Variants in SLCO1B1 observed in about 807,000 individuals in gnomAD.
SLCO1B1 encodes the protein OATP-2.
In SLCO1B1, 81 loss-of-function variants were observed where a neutral mutation model predicts 70.1. The ratio of observed to expected loss-of-function variants is 1.16; its 90% CI spans 0.97 to 1.39. The LOEUF is 1.39. Ranked by LOEUF, SLCO1B1 falls within the 40% of genes most tolerant of loss-of-function variation. The probability of loss-of-function intolerance (pLI) is 0.00; values close to 1 mark genes in which losing one functional copy is unlikely to be tolerated. For missense variants in SLCO1B1, 895 were observed against 799.6 expected (o/e 1.12, Z -1.44); for synonymous variants, 283 against 271.5 (o/e 1.04, Z -0.42).
intron 7 of SLCO1B1, among the ~76,000 whole-genome samples, chr12:21,185,058 C>A (rs1044358154): frequency 6.6e-6 from 1 of 151,992 alleles, no homozygotes; most frequent in Non-Finnish European, 1.5e-5. Context: ...AACGAGAAGA[C>A]TTAACTATTC....
intron 7 of SLCO1B1, among the ~76,000 whole-genome samples, chr12:21,193,372 G>T (rs1941053014): frequency 1.3e-5 from 2 of 152,044 alleles, no homozygotes. Flanking sequence ...CTTGGATTTT[G>T]GTATCCATAG....
chr12:21,213,315 C>T (rs1225835112), intron 11 of SLCO1B1, among the ~76,000 whole-genome samples: 10 of 151,798 alleles, frequency 6.6e-5, no homozygotes, highest in Non-Finnish European at 1.3e-4. Context: ...ATTTCTCCTT[C>T]GCTTATGAAG....
rs148445705 is a variant in SLCO1B1 at position 21,215,779 on chromosome 12, A to G, written c.1498-1340A>G. On this transcript the variant is annotated intron_variant, in intron 11 of 14. Transcript: ENST00000256958. ...TCAATTTTTCAGAATAATTTAGTAC[A>G]GTGGGTACTCACTCTTTTTTGTATT... is the stretch of plus-strand genomic sequence containing the variant. 6.4e-4 allele frequency among the ~76,000 whole-genome samples: 98 copies of G among 152,312 alleles called. 2 individuals carry two copies. In the East Asian group the frequency reaches 0.017, roughly 27 times the overall value.
intron 7 of SLCO1B1, among the ~76,000 whole-genome samples, chr12:21,191,824 T>TA (rs1453551699): frequency 6.6e-6 from 1 of 152,160 alleles, no homozygotes; most frequent in African/African-American, 2.4e-5. Flanking sequence ...TGAAAGTTTT[T>TA]ATCACAAAAC....
intron 2 of SLCO1B1, among the ~76,000 whole-genome samples, chr12:21,158,936 G>C (rs542955446): frequency 6.6e-6 from 1 of 152,024 alleles, no homozygotes; most frequent in African/African-American, 2.4e-5. Flanking sequence ...AAAGTAAAAA[G>C]AAATTAATAG....
intron 14 of SLCO1B1, among the ~76,000 whole-genome samples, chr12:21,237,603 A>G (rs887125148): frequency 1.8e-4 from 27 of 152,218 alleles, no homozygotes; most frequent in African/African-American, 6.5e-4. Flanking sequence ...ATTTAAAAAT[A>G]ACTTAGGAAG....
intron 9 of SLCO1B1, 112 bp downstream of exon 9, chr12:21,200,784 G>A (rs4149065): frequency 1.2e-6 from 1 of 853,980 alleles, no homozygotes; most frequent in African/African-American, 1.7e-5. Context: ...TACAGGATAA[G>A]TATAATTTTC....
intron 2 of SLCO1B1, among the ~76,000 whole-genome samples, 178 bp downstream of exon 2, chr12:21,141,836 A>T (rs1445224680): frequency 6.6e-6 from 1 of 151,940 alleles, no homozygotes; most frequent in African/African-American, 2.4e-5. Flanking sequence ...TAATCTGATT[A>T]AGTATTTCTT....
chr12:21,152,516 G>A (rs1331677796), intron 2 of SLCO1B1, among the ~76,000 whole-genome samples: 1 of 125,802 alleles, frequency 7.9e-6, no homozygotes, highest in South Asian at 2.5e-4. Context: ...TGTTGCTAAG[G>A]TGTGGGAGAG....
At chr12:21,222,052 G>T (rs1238827087) in intron 12 of SLCO1B1, among the ~76,000 whole-genome samples, 3 of 151,810 alleles carry the variant, frequency 2.0e-5, no homozygotes, top group African/African-American at 7.3e-5. Context: ...ATTTTCATAA[G>T]TACCATATGA....
chr12:21,197,601 C>T (rs1941108896), intron 8 of SLCO1B1, among the ~76,000 whole-genome samples: 1 of 151,972 alleles, frequency 6.6e-6, no homozygotes, highest in Non-Finnish European at 1.5e-5. Context: ...TTTCAAGAAC[C>T]TAGTGGGTGA....
intron 10 of SLCO1B1, among the ~76,000 whole-genome samples, chr12:21,204,378 T>C (rs1433971501): frequency 6.6e-6 from 1 of 152,016 alleles, no homozygotes; most frequent in Non-Finnish European, 1.5e-5. Flanking sequence ...TATGTACTTT[T>C]GTGTATTAAA....
intron 2 of SLCO1B1, among the ~76,000 whole-genome samples, chr12:21,158,292 C>T (rs1940567829): frequency 6.6e-6 from 1 of 152,108 alleles, no homozygotes; most frequent in African/African-American, 2.4e-5. Flanking sequence ...AGTTGTATAT[C>T]CATGTTATTA....
In SLCO1B1 at chr12:21,173,711, T is replaced by G. The variant is rs139065839; in HGVS notation, c.227-866T>G. On this transcript the variant is annotated intron_variant, in intron 3 of 14. Coordinates refer to ENST00000256958, the MANE Select transcript of SLCO1B1 (RefSeq NM_006446.5). ...TTTTTTCAGAAGTGCTCAGTTATCC[T>G]TAACTGCTATTTGTTTATTGTTATG... Among the ~76,000 whole-genome samples, 329 of 151,956 alleles carry G rather than the reference T, an allele frequency of 2.2e-3. 2 individuals carry two copies. The highest frequency in any genetic ancestry group is 7.6e-3 in the African/African-American group (316 of 41,484).
intron 11 of SLCO1B1, among the ~76,000 whole-genome samples, chr12:21,213,131 C>A: frequency 6.6e-6 from 1 of 151,528 alleles, no homozygotes; most frequent in Non-Finnish European, 1.5e-5. Context: ...TTATTTTGCT[C>A]TTTAGTTGAC....
intron 2 of SLCO1B1, among the ~76,000 whole-genome samples, chr12:21,146,108 A>C (rs1415687070): frequency 1.3e-5 from 2 of 152,154 alleles, no homozygotes; most frequent in Admixed American, 1.3e-4. Context: ...AGTTATTAAA[A>C]TCAGTTCAAT....
intron 2 of SLCO1B1, among the ~76,000 whole-genome samples, chr12:21,160,592 A>G (rs1189439202): frequency 6.6e-6 from 1 of 152,176 alleles, no homozygotes; most frequent in Non-Finnish European, 1.5e-5. Flanking sequence ...ATCATCCTGG[A>G]CATAGGAATG....
rs139907543 is a variant in SLCO1B1 at position 21,197,116 on chromosome 12, G to A, written c.898G>A (p.Glu300Lys). 1 of 1,613,454 alleles carries A rather than the reference G, an allele frequency of 6.2e-7. No homozygotes were observed. Among genetic ancestry groups the A allele is most frequent in the Non-Finnish European group, 8.5e-7 (1 of 1,179,650 alleles). Residue 300 changes from glutamate to lysine, a missense_variant, in exon 8 of 15, where the codon GAA becomes AAA. By Grantham distance (56) the Glu-to-Lys change is moderately conservative. Coordinates refer to ENST00000256958, the MANE Select transcript of SLCO1B1 (RefSeq NM_006446.5). ...AGCTTCACTGTCTTTGCATGTGCTG[G>A]AAACAAATGATGAAAAGGATCAAAC... Reference protein sequence around the residue: ...RKASLSLHVLETNDEKDQTAN... With the variant: ...RKASLSLHVLKTNDEKDQTAN...
At chr12:21,139,272 A>T (rs3829307) in intron 1 of SLCO1B1, among the ~76,000 whole-genome samples, 35,245 of 151,926 alleles carry the variant, frequency 0.23, 4,543 homozygotes, top group East Asian at 0.45. Flanking sequence ...GGGTGAAATT[A>T]ATCAAAGGGC....
Sources: gnomAD v4.1 joint callset for allele counts (sites outside exome capture counted in the v4.1 genomes callset) on GRCh38, gnomAD v4.1.1 for gene constraint, MANE v1.5 for transcripts, NCBI Gene and HGNC (gene_info 2026-07-23, HGNC 2026-07-21) for gene names.